The following GALNS variants were observed in gnomAD, a reference collection of about 807,000 sequenced individuals.
GALNS encodes N-acetylgalactosamine-6-sulfatase.
A neutral mutation model predicts 65.9 loss-of-function variants in GALNS; 65 were observed. The observed-to-expected ratio is 0.99, with a 90% CI of 0.81 to 1.21. The LOEUF (loss-of-function observed/expected upper bound fraction) is 1.21. Among genes scored for constraint, GALNS ranks in the 50% most tolerant of loss-of-function variants. The pLI is 0.00. For synonymous variants in GALNS, 346 were observed against 288.9 expected, an observed-to-expected ratio of 1.20 and a Z score of -2.00; for missense variants, 776 against 700.7, an observed-to-expected ratio of 1.11 and a Z score of -1.21.
At chr16:88,825,144 G>A in intron 10 of GALNS, among the ~76,000 whole-genome samples, 1 of 148,710 alleles carries the variant, frequency 6.7e-6, no homozygotes, top group Admixed American at 6.7e-5. Flanking sequence ...GGGCGGCCGG[G>A]GCTGGGGTGA....
chr16:88,839,898 G>A (rs1966889328), intron 4 of GALNS, among the ~76,000 whole-genome samples: 1 of 152,250 alleles, frequency 6.6e-6, no homozygotes, highest in African/African-American at 2.4e-5. Flanking sequence ...AGGCCAGGCG[G>A]AGAGCTCTGG....
Position 88,835,295 on chromosome 16 carries a change from G to T in GALNS, c.816C>A (p.Leu272=). ...DDSIGKILEL[L]QDLHVADNTF... ...TGTTGTCCGCGACGTGCAGGTCTTG[G>T]AGGAGCTCCAGTATCTTCCCAATGC... Residue 272 remains leucine, a synonymous_variant, in exon 8 of 14, where the codon CTC becomes CTA. Transcript: ENST00000268695. 3 of 1,613,506 alleles carry T rather than the reference G, an allele frequency of 1.9e-6. No individual in the cohort carries two copies. In the South Asian group the frequency reaches 3.3e-5, roughly 18 times the overall value.
At chr16:88,856,124 G>A (rs915165752) in intron 1 of GALNS, 45 of 700,110 alleles carry the variant, frequency 6.4e-5, no homozygotes, top group African/African-American at 5.6e-4. Flanking sequence ...AGGCCTCCAG[G>A]CTGGCTGTGA....
In GALNS at chr16:88,814,121, C is replaced by G; in HGVS notation, c.*318G>C. ...GAGGCTGTCACAGGTGCATCCTTAACCTTGGCAAAATAAACTGAGACTGGT... is the reference window on the plus strand; with the variant it reads ...GAGGCTGTCACAGGTGCATCCTTAAGCTTGGCAAAATAAACTGAGACTGGT... On this transcript the variant is annotated 3_prime_UTR_variant, in exon 14 of 14. Transcript: ENST00000268695. 1 of 456,892 alleles carries G rather than the reference C, an allele frequency of 2.2e-6. No homozygotes were observed. Among genetic ancestry groups the G allele is most frequent in the Admixed American group, 3.4e-5 (1 of 29,406 alleles). The allele number at this position is 456,892 out of a possible 1,614,324, so 28.3% of individuals were successfully genotyped here.
rs1910641750 is a variant in GALNS at position 88,824,850 on chromosome 16, C to T, written c.1159G>A (p.Gly387Ser). Residue 387 changes from glycine to serine, a missense_variant, in exon 11 of 14, where the codon GGC becomes AGC. Physicochemically the swap from Gly to Ser is moderately conservative, Grantham distance 56 (BLOSUM62 0). Coordinates refer to ENST00000268695, the MANE Select transcript of GALNS (RefSeq NM_000512.5). ...LMDRPIFYYR[G>S]DTLMAATLGQ... ...AGGGTGGCCGCCATCAGCGTGTCGC[C>T]ACGGTAATAGAAGATAGGCCTGTGG... The T allele has an allele frequency of 6.2e-6, 10 of 1,613,300 alleles. No individual in the cohort carries two copies. Among genetic ancestry groups the T allele is most frequent in the Non-Finnish European group, 8.5e-6 (10 of 1,179,990 alleles).
Position 88,816,037 on chromosome 16 carries a change from G to C in GALNS, c.1483-1512C>G, listed in dbSNP as rs547787576. 3 of 985,210 alleles carry C rather than the reference G, an allele frequency of 3.0e-6. No homozygotes were observed. In the African/African-American group the frequency reaches 5.2e-5, roughly 17 times the overall value. 61.0% of individuals were successfully genotyped at this position (985,210 alleles called of 1,614,324 possible). A position where few individuals can be genotyped will look rare whatever the true frequency, so the allele number is the denominator to read the frequency against. ...AGGAGGGCCCCCAGGCTTCACACGC[G>C]TGTCTGTGCATCTCCCCCATGGCTC... On this transcript the variant is annotated intron_variant, in intron 13 of 13. Transcript: ENST00000268695.
At chr16:88,844,346 G>GA (rs1045947892) in intron 1 of GALNS, 6 of 152,264 alleles carry the variant, frequency 3.9e-5, no homozygotes, top group African/African-American at 1.4e-4. Context: ...TGTATTGTTG[G>GA]AAAAAAGTGC....
At chr16:88,827,206 C>T (rs1460704363) in intron 9 of GALNS, 1 of 304,874 alleles carries the variant, frequency 3.3e-6, no homozygotes. Flanking sequence ...TGAGCCCTGC[C>T]CCTTAAGTCA....
intron 1 of GALNS, 57 bp from the exon 2 acceptor site, chr16:88,842,886 TG>T: frequency 6.2e-7 from 1 of 1,600,852 alleles, no homozygotes; most frequent in Non-Finnish European, 8.5e-7. Flanking sequence ...GCTTCTGGCC[TG>T]GGGAGCTGCC....
chr16:88,841,163 G>A, intron 3 of GALNS, 69 bp from the exon 4 acceptor site: 1 of 1,195,178 alleles, frequency 8.4e-7, no homozygotes, highest in Non-Finnish European at 1.2e-6. Flanking sequence ...ATCCTAACAG[G>A]ACACTGGGGG....
intron 5 of GALNS, 100 bp downstream of exon 5, chr16:88,837,522 A>C: frequency 7.9e-7 from 1 of 1,263,308 alleles, no homozygotes; most frequent in South Asian, 1.2e-5. Context: ...ACCAGCCCTC[A>C]TGAGTGGCGA....
At chr16:88,853,462 C>A (rs1231179924) in intron 1 of GALNS, among the ~76,000 whole-genome samples, 1 of 152,148 alleles carries the variant, frequency 6.6e-6, no homozygotes, top group Non-Finnish European at 1.5e-5. Flanking sequence ...GAGCAACCCT[C>A]CCCGGACTCT....
At chr16:88,836,656 GAAA>G (rs915738585) in intron 5 of GALNS, among the ~76,000 whole-genome samples, 1 of 122,950 alleles carries the variant, frequency 8.1e-6, no homozygotes, top group Admixed American at 8.3e-5. Flanking sequence ...CCTGTCTCAA[GAAA>G]AAAAAAAAAA....
Position 88,814,441 on chromosome 16 carries a change from A to T in GALNS, c.1567T>A (p.Ter523LysextTer92), listed in dbSNP as rs1348149236. Residue 523 changes from the stop codon to lysine, a stop_lost, in exon 14 of 14, where the codon TAG becomes AAG. Coordinates refer to ENST00000268695, the MANE Select transcript of GALNS (RefSeq NM_000512.5). Reference protein sequence around the residue: ...SIPKKCLWSH* With the variant: ...SIPKKCLWSHK ...CCTGGCCTGAGTCTGCGCAGGTGCTAGTGGGACCAGAGGCACTTCTTGGGA... is the reference window on the plus strand; with the variant it reads ...CCTGGCCTGAGTCTGCGCAGGTGCTTGTGGGACCAGAGGCACTTCTTGGGA... 3.2e-6 allele frequency: 5 copies of T among 1,558,840 alleles called. No homozygotes were observed.
intron 13 of GALNS, 168 bp from the exon 14 acceptor site, chr16:88,814,693 A>C: frequency 1.7e-6 from 1 of 602,072 alleles, no homozygotes; most frequent in Non-Finnish European, 2.1e-6. Context: ...TTCCGGGTTC[A>C]AGAGATTCTC....
At chr16:88,839,342 G>C (rs187487249) in intron 4 of GALNS, among the ~76,000 whole-genome samples, 1 of 152,214 alleles carries the variant, frequency 6.6e-6, no homozygotes, top group African/African-American at 2.4e-5. Context: ...TTCCACGTCC[G>C]CAGCACAAAG....
chr16:88,856,555 G>A, intron 1 of GALNS: 1 of 681,072 alleles, frequency 1.5e-6, no homozygotes, highest in Non-Finnish European at 2.7e-6. Flanking sequence ...ACTCCCCGAG[G>A]GGCCTCCCCC....
chr16:88,855,889 G>A, intron 1 of GALNS: 1 of 517,540 alleles, frequency 1.9e-6, no homozygotes, highest in Non-Finnish European at 3.5e-6. Flanking sequence ...GCCCAAAACT[G>A]TCTGGTACTC....
At chr16:88,829,500 G>A (rs1469897597) in intron 9 of GALNS, among the ~76,000 whole-genome samples, 1 of 152,222 alleles carries the variant, frequency 6.6e-6, no homozygotes, top group African/African-American at 2.4e-5. Context: ...AACTTGGGGT[G>A]GCCCAGGAGT....
Sources: allele counts gnomAD v4.1 joint callset (sites outside exome capture counted in the v4.1 genomes callset), GRCh38; gene constraint gnomAD v4.1.1; transcripts MANE v1.5; gene names NCBI Gene and HGNC (gene_info 2026-07-23, HGNC 2026-07-21).